Variants in MAST4 observed in about 807,000 individuals in gnomAD.
MAST4 encodes the protein microtubule-associated serine/threonine-protein kinase 4.
Under a neutral mutation model 162.7 loss-of-function variants are expected in MAST4, and 89 were observed. The ratio of observed to expected loss-of-function variants is 0.55; its 90% CI spans 0.46 to 0.65. The LOEUF (loss-of-function observed/expected upper bound fraction) is 0.65, where lower values mean the gene tolerates loss of function less well. Among genes scored for constraint, MAST4 ranks in the 30% least tolerant of loss-of-function variants. The probability of loss-of-function intolerance (pLI) is 0.00; values close to 1 mark genes in which losing one functional copy is unlikely to be tolerated. For synonymous variants in MAST4, 1,479 were observed against 1,361.1 expected (o/e 1.09, Z -1.91); for missense variants, 3,153 against 3,374.0 (o/e 0.93, Z 1.62).
At chr5:67,154,267 T>C (rs1407034928) in intron 26 of MAST4, among the ~76,000 whole-genome samples, 1 of 152,190 alleles carries the variant, frequency 6.6e-6, no homozygotes, top group African/African-American at 2.4e-5. Context: ...GTTATTTGAT[T>C]TGTCTTTTTC....
intron 1 of MAST4, among the ~76,000 whole-genome samples, chr5:66,647,173 A>G (rs777858879): frequency 2.0e-5 from 3 of 152,128 alleles, no homozygotes; most frequent in Non-Finnish European, 4.4e-5. Context: ...ATTCTCTCCT[A>G]AACACTTGGG....
At chr5:66,945,548 TGCCCC>T (rs1193045212) in intron 4 of MAST4, among the ~76,000 whole-genome samples, 1 of 152,048 alleles carries the variant, frequency 6.6e-6, no homozygotes, top group African/African-American at 2.4e-5. Context: ...TTGTGGGGAC[TGCCCC>T]TCAGAGATGA....
At chr5:66,919,949 C>G (rs780423895) in intron 4 of MAST4, among the ~76,000 whole-genome samples, 1 of 78,322 alleles carries the variant, frequency 1.3e-5, no homozygotes, top group Admixed American at 1.5e-4. Context: ...TCCTTCCTTC[C>G]TTCCTTCCTT....
rs142501288 is a variant in MAST4, at chr5:66,936,649, A to C, written c.674+36667A>C. 1.2e-3 allele frequency among the ~76,000 whole-genome samples: 176 copies of C among 152,344 alleles called. 1 individual carries two copies. The highest frequency in any genetic ancestry group is 4.1e-3 in the African/African-American group (172 of 41,586). The stretch of plus-strand genomic sequence containing the variant: ...CAATGTCATCAGTTAAGGCAGGAAC[A>C]GTCCATCTGGATGTGTACATGCAGG... On this transcript the variant is annotated intron_variant, in intron 4 of 28. Coordinates refer to ENST00000403625, the MANE Select transcript of MAST4 (RefSeq NM_001164664.2).
chr5:66,795,295 T>C (rs1219910132), intron 3 of MAST4, among the ~76,000 whole-genome samples: 3 of 152,250 alleles, frequency 2.0e-5, no homozygotes, highest in Admixed American at 2.0e-4. Context: ...TATCATAATT[T>C]ACTAAACTGT....
intron 1 of MAST4, among the ~76,000 whole-genome samples, chr5:66,729,033 T>C (rs796234209): frequency 1.4e-4 from 21 of 152,318 alleles, no homozygotes; most frequent in African/African-American, 4.8e-4. Context: ...AAATACTGTA[T>C]TCTCAGGGAA....
At chr5:67,026,288 C>T (rs1754636705) in intron 4 of MAST4, among the ~76,000 whole-genome samples, 1 of 152,178 alleles carries the variant, frequency 6.6e-6, no homozygotes, top group Non-Finnish European at 1.5e-5. Flanking sequence ...TTTTAAGAGG[C>T]AAAGCCTCAA....
chr5:66,835,166 T>C (rs768797001), intron 3 of MAST4, among the ~76,000 whole-genome samples: 41 of 152,336 alleles, frequency 2.7e-4, no homozygotes, highest in South Asian at 6.2e-4. Context: ...GTGCTTTTTG[T>C]AAATCTCCCT....
intron 1 of MAST4, among the ~76,000 whole-genome samples, chr5:66,639,968 T>C (rs958129468): frequency 1.3e-4 from 20 of 152,180 alleles, no homozygotes; most frequent in African/African-American, 4.8e-4. Flanking sequence ...TAAACACTAT[T>C]CTCAACAAAT....
In MAST4 at chr5:67,094,788, C is replaced by T. The variant is rs558853975; in HGVS notation, c.834-809C>T. Among the ~76,000 whole-genome samples, 7 of 152,276 alleles carry T rather than the reference C, an allele frequency of 4.6e-5. No individual in the cohort carries two copies. In the South Asian group the frequency reaches 1.4e-3, roughly 32 times the overall value. On this transcript the variant is annotated intron_variant, in intron 6 of 28. Transcript: ENST00000403625. Reference sequence around the variant, plus strand: ...CAGCCAAACTCCAACTGAGAAACCACCCATTCTATCATCACTTGAAGATAA... The same window carrying T: ...CAGCCAAACTCCAACTGAGAAACCATCCATTCTATCATCACTTGAAGATAA...
At chr5:67,090,363 C>G in intron 6 of MAST4, 132 bp downstream of exon 6, 1 of 429,640 alleles carries the variant, frequency 2.3e-6, no homozygotes. Flanking sequence ...CCCCTTCCCC[C>G]CACTTCCCCT....
chr5:67,166,784 C>G lies in MAST4; in HGVS notation c.7605C>G (p.His2535Gln), dbSNP rs1003019231. ...RVSTLPLESH[H>Q]PDPNTMGGAS... ...CCACCCTGCCTCTGGAGTCACACCA[C>G]CCCGACCCAAACACCATGGGCGGGG... The change falls in exon 29 of 29, where the codon CAC becomes CAG. Residue 2535 changes from histidine to glutamine, a missense_variant. Coordinates refer to ENST00000403625, the MANE Select transcript of MAST4 (RefSeq NM_001164664.2). 1.2e-6 allele frequency: 2 copies of G among 1,602,354 alleles called. No individual in the cohort carries two copies. Among genetic ancestry groups the G allele is most frequent in the African/African-American group, 2.7e-5 (2 of 74,642 alleles).
intron 4 of MAST4, among the ~76,000 whole-genome samples, chr5:66,965,587 C>CCG (rs1282587338): frequency 3.8e-5 from 2 of 51,950 alleles, no homozygotes; most frequent in Non-Finnish European, 6.7e-5. Context: ...TTGGTGGGGG[C>CCG]GGGGGGGGGG....
intron 4 of MAST4, among the ~76,000 whole-genome samples, chr5:66,911,749 T>A (rs1213385613): frequency 6.6e-6 from 1 of 151,844 alleles, no homozygotes; most frequent in African/African-American, 2.4e-5. Context: ...AATAAATAAG[T>A]GAATGAATTT....
At chr5:66,922,412 T>A (rs557317620) in intron 4 of MAST4, among the ~76,000 whole-genome samples, 1 of 152,346 alleles carries the variant, frequency 6.6e-6, no homozygotes, top group African/African-American at 2.4e-5. Flanking sequence ...GCCAGCTGCA[T>A]GTAACTTCCA....
rs1410817826 is a variant in MAST4 at position 67,152,871 on chromosome 5, G to C, written c.3525+5G>C. 6.2e-7 allele frequency: 1 copy of C among 1,605,358 alleles called. No individual in the cohort carries two copies. The highest frequency in any genetic ancestry group is 8.5e-7 in the Non-Finnish European group (1 of 1,172,484). On this transcript the variant is annotated splice_donor_5th_base_variant and intron_variant, in intron 25 of 28. Transcript: ENST00000403625. Reference sequence around the variant, plus strand: ...ACAGTGCACCATATCGTCTGGGTAAGACCTGCATGTCTCGCACTTGGGATT... The same window carrying C: ...ACAGTGCACCATATCGTCTGGGTAACACCTGCATGTCTCGCACTTGGGATT...
intron 4 of MAST4, among the ~76,000 whole-genome samples, chr5:67,052,162 T>G (rs469394): frequency 0.39 from 59,017 of 151,980 alleles, 11,809 homozygotes; most frequent in African/African-American, 0.43. Flanking sequence ...CTTTTAACTT[T>G]CTCATGTATT....
At chr5:66,952,621 G>C (rs1744840374) in intron 4 of MAST4, among the ~76,000 whole-genome samples, 1 of 152,016 alleles carries the variant, frequency 6.6e-6, no homozygotes, top group African/African-American at 2.4e-5. Context: ...TTGCATCCCT[G>C]ATAATGCCAT....
chr5:67,035,827 C>A (rs1016586757), intron 4 of MAST4, among the ~76,000 whole-genome samples: 4 of 152,152 alleles, frequency 2.6e-5, no homozygotes, highest in African/African-American at 9.7e-5. Flanking sequence ...TGGTTAGCTA[C>A]ATGATCAGAC....
Sources: gnomAD v4.1 joint callset for allele counts (sites outside exome capture counted in the v4.1 genomes callset) on GRCh38, gnomAD v4.1.1 for gene constraint, MANE v1.5 for transcripts, NCBI Gene and HGNC (gene_info 2026-07-23, HGNC 2026-07-21) for gene names.